The following SHISA6 variants were observed in gnomAD, a reference collection of about 807,000 sequenced individuals.
SHISA6 encodes the protein shisa family member 6.
In SHISA6, 22 loss-of-function variants were observed where a neutral mutation model predicts 47.9. That is an observed-to-expected ratio of 0.46 (90% CI 0.33 to 0.66). SHISA6 has a LOEUF of 0.66. SHISA6 is among the 30% of genes least tolerant of loss of function. The pLI, the probability that SHISA6 is intolerant of heterozygous loss-of-function variation, is 0.02. For missense variants in SHISA6, 680 were observed against 764.6 expected, an observed-to-expected ratio of 0.89 and a Z score of 1.30; for synonymous variants, 388 against 337.8, an observed-to-expected ratio of 1.15 and a Z score of -1.63.
intron 2 of SHISA6, among the ~76,000 whole-genome samples, chr17:11,268,197 G>C (rs1308371508): frequency 6.6e-6 from 1 of 152,154 alleles, no homozygotes; most frequent in Non-Finnish European, 1.5e-5. Context: ...ACATACCACT[G>C]TGAGTTGTAT....
chr17:11,341,515 A>G (rs917045669), intron 2 of SHISA6, among the ~76,000 whole-genome samples: 2 of 151,834 alleles, frequency 1.3e-5, no homozygotes, highest in Admixed American at 1.3e-4. Flanking sequence ...TTGTATTTTT[A>G]TTAGACACGG....
At chr17:11,438,681 C>T (rs1360596894) in intron 3 of SHISA6, among the ~76,000 whole-genome samples, 2 of 152,196 alleles carry the variant, frequency 1.3e-5, no homozygotes, top group Non-Finnish European at 2.9e-5. Flanking sequence ...AATATAGTTA[C>T]ACTGGGAGTT....
intron 1 of SHISA6, among the ~76,000 whole-genome samples, chr17:11,261,904 A>G (rs938049033): frequency 6.6e-6 from 1 of 152,186 alleles, no homozygotes; most frequent in African/African-American, 2.4e-5. Flanking sequence ...CTGTTTACCA[A>G]AGGGATTGCA....
intron 2 of SHISA6, among the ~76,000 whole-genome samples, chr17:11,314,445 GA>G (rs1910436454): frequency 1.3e-5 from 2 of 151,414 alleles, no homozygotes; most frequent in Non-Finnish European, 2.9e-5. Context: ...AATAAGGTAG[GA>G]AACTAAGATA....
intron 3 of SHISA6, among the ~76,000 whole-genome samples, chr17:11,420,312 G>A (rs1016062225): frequency 6.6e-6 from 1 of 152,146 alleles, no homozygotes; most frequent in African/African-American, 2.4e-5. Context: ...TGTGATCTTC[G>A]TTTGCCCCTA....
At chr17:11,398,560 C>T (rs143001697) in intron 3 of SHISA6, among the ~76,000 whole-genome samples, 44 of 152,132 alleles carry the variant, frequency 2.9e-4, no homozygotes, top group Admixed American at 2.5e-3. Flanking sequence ...GATGAACTTC[C>T]GCATTCCGAC....
intron 3 of SHISA6, among the ~76,000 whole-genome samples, chr17:11,392,778 A>C (rs1230992172): frequency 6.6e-6 from 1 of 152,256 alleles, no homozygotes. Flanking sequence ...ACGCTTATGC[A>C]ATGAAGACAT....
At chr17:11,488,400 T>C (rs1295527519) in intron 3 of SHISA6, among the ~76,000 whole-genome samples, 4 of 152,150 alleles carry the variant, frequency 2.6e-5, no homozygotes, top group African/African-American at 9.7e-5. Context: ...GAATTACTAG[T>C]TTCTTGGCCA....
rs117659388 is a variant in SHISA6, at chr17:11,338,886, G to A, written c.800-40528G>A. Among the ~76,000 whole-genome samples the A allele has an allele frequency of 5.6e-3, 859 of 152,156 alleles. 4 individuals are homozygous for A. The highest frequency in any genetic ancestry group is 9.5e-3 in the Non-Finnish European group (645 of 67,996). ...GCACTGCTTAAATTGTTGAAAAGCT[G>A]GGAAAAACCTAAATGTACAACAGTG... is the stretch of plus-strand genomic sequence containing the variant. On this transcript the variant is annotated intron_variant, in intron 2 of 5. Coordinates refer to ENST00000441885, the MANE Select transcript of SHISA6 (RefSeq NM_207386.4).
chr17:11,289,228 T>C (rs1207769962), intron 2 of SHISA6: 2 of 152,156 alleles, frequency 1.3e-5, no homozygotes, highest in Non-Finnish European at 2.9e-5. Flanking sequence ...TAGAATGATA[T>C]ATTAGCATTG....
intron 3 of SHISA6, among the ~76,000 whole-genome samples, chr17:11,455,832 A>G (rs1261807049): frequency 1.3e-5 from 2 of 152,176 alleles, no homozygotes; most frequent in African/African-American, 4.8e-5. Context: ...CCTTCTGGTC[A>G]TCGAAAAGCT....
At chr17:11,384,742 CT>C (rs1913137558) in intron 3 of SHISA6, among the ~76,000 whole-genome samples, 1 of 152,160 alleles carries the variant, frequency 6.6e-6, no homozygotes, top group African/African-American at 2.4e-5. Context: ...ATGCGAGTTA[CT>C]GCCTGCCCTC....
chr17:11,280,858 C>T (rs1363866779), intron 2 of SHISA6, among the ~76,000 whole-genome samples: 1 of 152,136 alleles, frequency 6.6e-6, no homozygotes, highest in African/African-American at 2.4e-5. Context: ...GAAATGGAGG[C>T]CTTGAATGGC....
intron 2 of SHISA6, among the ~76,000 whole-genome samples, chr17:11,315,192 T>C (rs1458664297): frequency 2.0e-5 from 3 of 152,224 alleles, no homozygotes; most frequent in Non-Finnish European, 4.4e-5. Flanking sequence ...TTGTGTTTAT[T>C]ACAAGGCATT....
At chr17:11,259,837 T>C (rs1022886506) in intron 1 of SHISA6, among the ~76,000 whole-genome samples, 1 of 152,074 alleles carries the variant, frequency 6.6e-6, no homozygotes, top group African/African-American at 2.4e-5. Flanking sequence ...GGAAGTGAAA[T>C]GTATGTAAGA....
intron 3 of SHISA6, among the ~76,000 whole-genome samples, chr17:11,467,280 T>C (rs1915831236): frequency 6.6e-6 from 1 of 152,214 alleles, no homozygotes; most frequent in African/African-American, 2.4e-5. Flanking sequence ...AAGCTCACGC[T>C]GGTCCCCATC....
At chr17:11,295,034 A>G (rs1909697842) in intron 2 of SHISA6, among the ~76,000 whole-genome samples, 1 of 152,240 alleles carries the variant, frequency 6.6e-6, no homozygotes, top group South Asian at 2.1e-4. Context: ...AAAGTGACTA[A>G]TAGGCAGGTA....
intron 2 of SHISA6, among the ~76,000 whole-genome samples, chr17:11,285,939 C>T (rs574015192): frequency 3.3e-5 from 5 of 151,586 alleles, no homozygotes; most frequent in African/African-American, 9.7e-5. Context: ...TGGGTTCAAG[C>T]GATTTTCCTG....
intron 3 of SHISA6, among the ~76,000 whole-genome samples, chr17:11,468,939 C>T (rs1915871573): frequency 6.9e-6 from 1 of 144,490 alleles, no homozygotes; most frequent in Admixed American, 7.4e-5. Context: ...GAGAATGAAC[C>T]CAGGAGGTAG....
Sources: gnomAD v4.1 joint callset for allele counts (sites outside exome capture counted in the v4.1 genomes callset) on GRCh38, gnomAD v4.1.1 for gene constraint, MANE v1.5 for transcripts, NCBI Gene and HGNC (gene_info 2026-07-23, HGNC 2026-07-21) for gene names.